The following SGMS1 variants were observed in gnomAD, a reference collection of about 807,000 sequenced individuals.
SGMS1 encodes sphingomyelin synthase 1, also known as phosphatidylcholine:ceramide cholinephosphotransferase 1.
Under a neutral mutation model 46.2 loss-of-function variants are expected in SGMS1, and 13 were observed. The observed-to-expected ratio is 0.28, with a 90% CI of 0.18 to 0.45. The LOEUF (loss-of-function observed/expected upper bound fraction) is 0.45. Ranked by LOEUF, SGMS1 falls within the 20% of genes least tolerant of loss-of-function variation. The probability of loss-of-function intolerance (pLI) is 1.00; values close to 1 mark genes in which losing one functional copy is unlikely to be tolerated. For synonymous variants in SGMS1, 203 were observed against 187.8 expected (o/e 1.08, Z -0.66); for missense variants, 324 against 519.9 (o/e 0.62, Z 3.66).
At chr10:50,459,485 C>A (rs1428865539) in intron 5 of SGMS1, among the ~76,000 whole-genome samples, 4 of 152,202 alleles carry the variant, frequency 2.6e-5, no homozygotes, top group South Asian at 2.1e-4. Flanking sequence ...CTCACTGCAA[C>A]CTCCGCCTCC....
chr10:50,452,535 A>G (rs1837124624), intron 5 of SGMS1, among the ~76,000 whole-genome samples: 1 of 152,196 alleles, frequency 6.6e-6, no homozygotes, highest in Admixed American at 6.5e-5. Context: ...AATCTCTGTA[A>G]ATGCGCCAAT....
rs190855527 is a variant in SGMS1 at position 50,445,091 on chromosome 10, C to T, written c.-312-11535G>A. 1.2e-4 allele frequency among the ~76,000 whole-genome samples: 19 copies of T among 152,168 alleles called. No individual in the cohort carries two copies. The East Asian group carries it at 3.5e-3, about 28-fold the overall frequency. Reference sequence around the variant, plus strand: ...TCATAAAAGAGGACACATGAATGGCCAATAAGTACATGAAAAAATTTTCAA... The same window carrying T: ...TCATAAAAGAGGACACATGAATGGCTAATAAGTACATGAAAAAATTTTCAA... On this transcript the variant is annotated intron_variant, in intron 5 of 10. Coordinates refer to ENST00000361781, the MANE Select transcript of SGMS1 (RefSeq NM_147156.4).
At chr10:50,429,845 T>C (rs1849383546) in intron 6 of SGMS1, among the ~76,000 whole-genome samples, 3 of 152,158 alleles carry the variant, frequency 2.0e-5, no homozygotes, top group African/African-American at 7.2e-5. Context: ...TTTGGAACTA[T>C]TTTATTTCTT....
At chr10:50,339,214 C>T (rs1847769730) in intron 7 of SGMS1, among the ~76,000 whole-genome samples, 1 of 152,194 alleles carries the variant, frequency 6.6e-6, no homozygotes, top group African/African-American at 2.4e-5. Context: ...CTTATCCATC[C>T]ATGGCTCACA....
chr10:50,460,849 C>G (rs1021914030), intron 4 of SGMS1, 35 bp from the exon 5 acceptor site: 2 of 152,256 alleles, frequency 1.3e-5, no homozygotes, highest in African/African-American at 4.8e-5. Context: ...TTAAGCACTT[C>G]AAAACGGAAT....
intron 1 of SGMS1, among the ~76,000 whole-genome samples, chr10:50,598,614 A>G (rs1257622121): frequency 6.6e-6 from 1 of 152,208 alleles, no homozygotes; most frequent in East Asian, 1.9e-4. Flanking sequence ...TGCCAAGGGA[A>G]CAATCATGGG....
intron 6 of SGMS1, among the ~76,000 whole-genome samples, chr10:50,397,572 T>A (rs1165076232): frequency 6.6e-6 from 1 of 152,110 alleles, no homozygotes; most frequent in East Asian, 1.9e-4. Context: ...GAACAAAGTG[T>A]CTGGGTTTAT....
chr10:50,365,341 T>C (rs1453239266), intron 6 of SGMS1, among the ~76,000 whole-genome samples: 1 of 150,632 alleles, frequency 6.6e-6, no homozygotes, highest in Non-Finnish European at 1.5e-5. Flanking sequence ...TGGTAACAAA[T>C]TGATAGGCTG....
chr10:50,330,052 T>C (rs895930739), intron 7 of SGMS1, among the ~76,000 whole-genome samples: 2 of 152,264 alleles, frequency 1.3e-5, no homozygotes, highest in African/African-American at 4.8e-5. Context: ...TACATGCTAG[T>C]ATTTTATTAA....
intron 6 of SGMS1, among the ~76,000 whole-genome samples, chr10:50,373,277 G>A (rs1848470301): frequency 6.6e-6 from 1 of 152,174 alleles, no homozygotes; most frequent in African/African-American, 2.4e-5. Context: ...GCACATCTGA[G>A]CAACACAGTA....
intron 7 of SGMS1, among the ~76,000 whole-genome samples, chr10:50,338,957 C>G (rs1847765128): frequency 6.6e-6 from 1 of 152,098 alleles, no homozygotes; most frequent in Admixed American, 6.6e-5. Flanking sequence ...AGGCTGGTCT[C>G]AAACTCTCAG....
At chr10:50,406,603 G>T (rs1483976143) in intron 6 of SGMS1, among the ~76,000 whole-genome samples, 1 of 152,110 alleles carries the variant, frequency 6.6e-6, no homozygotes, top group East Asian at 1.9e-4. Flanking sequence ...TCAGCCATTG[G>T]AGTAGTAGAT....
At chr10:50,618,932 G>C (rs958590852) in intron 1 of SGMS1, among the ~76,000 whole-genome samples, 1 of 152,126 alleles carries the variant, frequency 6.6e-6, no homozygotes, top group Admixed American at 6.5e-5. Context: ...AGTTGATGCC[G>C]ATGCTGCCAG....
intron 1 of SGMS1, 145 bp downstream of exon 1, chr10:50,623,562 G>A (rs950356424): frequency 4.1e-6 from 4 of 983,674 alleles, no homozygotes; most frequent in Non-Finnish European, 4.8e-6. Flanking sequence ...GTACGCGCGC[G>A]GCACCGCGCG....
chr10:50,566,748 C>T (rs1048680565), intron 2 of SGMS1, among the ~76,000 whole-genome samples: 2 of 152,194 alleles, frequency 1.3e-5, no homozygotes, highest in Non-Finnish European at 2.9e-5. Context: ...GGATTGGTTT[C>T]AGGACCCCTG....
chr10:50,446,215 G>T (rs2133648670), intron 5 of SGMS1, among the ~76,000 whole-genome samples: 1 of 152,222 alleles, frequency 6.6e-6, no homozygotes, highest in Non-Finnish European at 1.5e-5. Flanking sequence ...ACCTTGTGAA[G>T]CATGTGATCT....
intron 6 of SGMS1, among the ~76,000 whole-genome samples, chr10:50,391,433 C>T (rs1848765449): frequency 6.6e-6 from 1 of 152,126 alleles, no homozygotes; most frequent in Admixed American, 6.5e-5. Context: ...TCAGCATTGC[C>T]AATCATTAGA....
chr10:50,463,087 A>G (rs942243954), intron 4 of SGMS1, among the ~76,000 whole-genome samples: 2 of 152,194 alleles, frequency 1.3e-5, no homozygotes, highest in African/African-American at 4.8e-5. Flanking sequence ...AAAGAAAAAA[A>G]AATACATAGA....
chr10:50,537,488 G>A (rs542429794), intron 2 of SGMS1, among the ~76,000 whole-genome samples: 95 of 150,192 alleles, frequency 6.3e-4, no homozygotes, highest in Non-Finnish European at 1.1e-3. Flanking sequence ...TTAAGTTCTA[G>A]GGTACATGTG....
Sources: allele counts gnomAD v4.1 joint callset (sites outside exome capture counted in the v4.1 genomes callset), GRCh38; gene constraint gnomAD v4.1.1; transcripts MANE v1.5; gene names NCBI Gene and HGNC (gene_info 2026-07-23, HGNC 2026-07-21).